ASH1L: variants seen among roughly 807,000 people sequenced by gnomAD.
ASH1L encodes histone-lysine N-methyltransferase ASH1L.
In ASH1L, 23 loss-of-function variants were observed where a neutral mutation model predicts 269.0. That is an observed-to-expected ratio of 0.09 (90% confidence interval 0.06 to 0.12). ASH1L has a LOEUF of 0.12. ASH1L is among the 10% of genes least tolerant of loss of function. ASH1L has a pLI of 1.00. For synonymous variants in ASH1L, 1,187 were observed against 1,253.5 expected (o/e 0.95, Z 1.12); for missense variants, 2,912 against 3,567.8 (o/e 0.82, Z 4.68).
rs1456262176 is a variant in ASH1L, at chr1:155,415,840, A to G, written c.5912T>C (p.Val1971Ala). ...CTTTTCCCTTGGGATGAGAGAAAGC[A>G]CAGGCTGCAAGGTACTTTCAGGTTC... ...PSEPESTLQP[V>A]LSLIPREKKP... Residue 1971 changes from valine to alanine, a missense_variant, in exon 6 of 28, where the codon GTG becomes GCG. By Grantham distance (64) the Val-to-Ala change is moderately conservative. Coordinates refer to ENST00000392403, the MANE Select transcript of ASH1L (RefSeq NM_018489.3). 2 of 1,614,052 alleles carry G rather than the reference A, an allele frequency of 1.2e-6. No individual in the cohort carries two copies. The highest frequency in any genetic ancestry group is 1.7e-6 in the Non-Finnish European group (2 of 1,180,018).
intron 10 of ASH1L, among the ~76,000 whole-genome samples, chr1:155,373,315 TC>T (rs1656148576): frequency 6.6e-6 from 1 of 151,468 alleles, no homozygotes; most frequent in African/African-American, 2.4e-5. Flanking sequence ...GGAGACAGGG[TC>T]TCGCTCTGTC....
At chr1:155,392,598 C>T (rs537532700) in intron 7 of ASH1L, among the ~76,000 whole-genome samples, 8 of 152,232 alleles carry the variant, frequency 5.3e-5, no homozygotes, top group East Asian at 3.9e-4. Context: ...AAGTGATTCT[C>T]GTGCCTCAGC....
In ASH1L at chr1:155,370,885, C is replaced by T. The variant is rs1655886505; in HGVS notation, c.6431G>A (p.Arg2144Gln). 1.9e-6 allele frequency: 3 copies of T among 1,614,006 alleles called. No individual in the cohort carries two copies. Among genetic ancestry groups the T allele is most frequent in the Non-Finnish European group, 2.5e-6 (3 of 1,180,052 alleles). Reference sequence around the variant, plus strand: ...CCAACCTTTTTCCTCAGCTCGAAATCGTTCTAGACATTGCACCCATTCATG... The same window carrying T: ...CCAACCTTTTTCCTCAGCTCGAAATTGTTCTAGACATTGCACCCATTCATG... Reference protein sequence around the residue: ...QRHEWVQCLERFRAEEKGWGI... With the variant: ...QRHEWVQCLEQFRAEEKGWGI... The change falls in exon 11 of 28, where the codon CGA becomes CAA. Residue 2144 changes from arginine (R) to glutamine (Q), a missense_variant. Around this residue, in one of 13 missense-constraint regions of ASH1L, gnomAD observed 193 missense variants for 311.6 expected, o/e 0.62. Coordinates refer to ENST00000392403, the MANE Select transcript of ASH1L (RefSeq NM_018489.3).
chr1:155,476,633 G>A (rs1383590422), intron 3 of ASH1L, among the ~76,000 whole-genome samples: 2 of 150,778 alleles, frequency 1.3e-5, no homozygotes, highest in African/African-American at 2.4e-5. Flanking sequence ...CTCACTGCAA[G>A]CTCCACCTCC....
chr1:155,389,013 T>C (rs1246838089), intron 7 of ASH1L, among the ~76,000 whole-genome samples: 2 of 150,792 alleles, frequency 1.3e-5, no homozygotes, highest in Admixed American at 1.3e-4. Flanking sequence ...CTGGACTAAT[T>C]CTTTTTTTTT....
Position 155,438,521 on chromosome 1 carries a change from G to T in ASH1L, c.5634C>A (p.Asn1878Lys), listed in dbSNP as rs750956675. Residue 1878 changes from asparagine to lysine, a missense_variant, in exon 5 of 28, where the codon AAC becomes AAA. Asn to Lys is a moderately conservative substitution (Grantham distance 94). Coordinates refer to ENST00000392403, the MANE Select transcript of ASH1L (RefSeq NM_018489.3). ...GCAGTGCTGCTCCTTCCTCGTCTCT[G>T]TTCAATTCTGGGTTGACAAACTGAG... ...QAAQFVNPEL[N>K]RDEEGAALHL... 2 of 1,613,196 alleles carry T rather than the reference G, an allele frequency of 1.2e-6. No homozygotes were observed. Among genetic ancestry groups the T allele is most frequent in the Admixed American group, 3.3e-5 (2 of 59,840 alleles).
At chr1:155,421,351 C>A (rs1660667262) in intron 5 of ASH1L, among the ~76,000 whole-genome samples, 1 of 128,638 alleles carries the variant, frequency 7.8e-6, no homozygotes, top group Non-Finnish European at 1.6e-5. Context: ...GAGAAAATGC[C>A]AAGATAATTC....
In ASH1L at chr1:155,562,555, C is replaced by A; in HGVS notation, c.-502G>T. 6.5e-7 allele frequency: 1 copy of A among 1,529,038 alleles called. No homozygotes were observed. Among genetic ancestry groups the A allele is most frequent in the East Asian group, 2.5e-5 (1 of 40,622 alleles). The allele number at this position is 1,529,038 out of a possible 1,614,324, so 94.7% of individuals were successfully genotyped here. ...TCCTTCCTCCTTGCGTTCTTTCCCACCGTCCCCCGCTCCGCCCGACTCCGT... is the reference window on the plus strand; with the variant it reads ...TCCTTCCTCCTTGCGTTCTTTCCCAACGTCCCCCGCTCCGCCCGACTCCGT... On this transcript the variant is annotated 5_prime_UTR_variant, in exon 1 of 28. Coordinates refer to ENST00000392403, the MANE Select transcript of ASH1L (RefSeq NM_018489.3).
chr1:155,384,445 G>A (rs948237743), intron 7 of ASH1L, among the ~76,000 whole-genome samples: 1 of 151,444 alleles, frequency 6.6e-6, no homozygotes, highest in Non-Finnish European at 1.5e-5. Flanking sequence ...TTATAGGTAA[G>A]GGTAATTTCT....
Position 155,339,342 on chromosome 1 carries a change from C to A in ASH1L, c.8487G>T (p.Lys2829Asn), listed in dbSNP as rs749444214. ...FSPHYVPDNY[K>N]RNGGRSSWKS... Reference sequence around the variant, plus strand: ...ATGGGACTTACCGTCCTCCATTCCTCTTGTAGTTGTCTGGGACGTAATGAG... The same window carrying A: ...ATGGGACTTACCGTCCTCCATTCCTATTGTAGTTGTCTGGGACGTAATGAG... The change falls in exon 26 of 28, where the codon AAG becomes AAT. Residue 2829 changes from lysine to asparagine, a missense_variant. Physicochemically the swap from Lys to Asn is moderately conservative, Grantham distance 94. Transcript: ENST00000392403. The A allele has an allele frequency of 4.3e-6, 7 of 1,613,610 alleles. No homozygotes were observed. In the Admixed American group the frequency reaches 1.2e-4, roughly 27 times the overall value.
Position 155,337,616 on chromosome 1 carries a change from G to C in ASH1L, c.*44C>G. The C allele has an allele frequency of 6.5e-7, 1 of 1,538,584 alleles. No individual in the cohort carries two copies. The highest frequency in any genetic ancestry group is 9.0e-7 in the Non-Finnish European group (1 of 1,112,052). Reference sequence around the variant, plus strand: ...AGAGAGCAGGAGGCAGGACTGATTAGCTCCACTGGATCCCAGATGCTTGAG... The same window carrying C: ...AGAGAGCAGGAGGCAGGACTGATTACCTCCACTGGATCCCAGATGCTTGAG... On this transcript the variant is annotated 3_prime_UTR_variant, in exon 28 of 28. Coordinates refer to ENST00000392403, the MANE Select transcript of ASH1L (RefSeq NM_018489.3).
At chr1:155,448,460 A>G (rs2148648607) in intron 4 of ASH1L, among the ~76,000 whole-genome samples, 2 of 152,196 alleles carry the variant, frequency 1.3e-5, no homozygotes, top group African/African-American at 2.4e-5. Context: ...GCAGGTAGCT[A>G]AGACTTCAGG....
intron 2 of ASH1L, among the ~76,000 whole-genome samples, chr1:155,496,450 C>T (rs1667160418): frequency 6.6e-6 from 1 of 152,192 alleles, no homozygotes; most frequent in South Asian, 2.1e-4. Flanking sequence ...AAAAGACATG[C>T]ACTCATGAAG....
At chr1:155,496,025 A>C (rs1276556076) in intron 2 of ASH1L, among the ~76,000 whole-genome samples, 2 of 152,106 alleles carry the variant, frequency 1.3e-5, no homozygotes, top group East Asian at 3.8e-4. Flanking sequence ...AAATAAAACA[A>C]AACAAATTAA....
intron 13 of ASH1L, among the ~76,000 whole-genome samples, chr1:155,358,079 T>A (rs1414261807): frequency 6.6e-6 from 1 of 151,256 alleles, no homozygotes; most frequent in Non-Finnish European, 1.5e-5. Context: ...CTGAGAATAA[T>A]TTTTTTTTAG....
chr1:155,512,552 A>G (rs1049649379), intron 2 of ASH1L, among the ~76,000 whole-genome samples: 4 of 148,816 alleles, frequency 2.7e-5, no homozygotes, highest in South Asian at 2.1e-4. Context: ...CCTGGGTTCA[A>G]GAGCTTCTCT....
intron 13 of ASH1L, among the ~76,000 whole-genome samples, chr1:155,359,770 G>A (rs1346755018): frequency 6.6e-6 from 1 of 152,028 alleles, no homozygotes; most frequent in Admixed American, 6.6e-5. Flanking sequence ...TAGAGACAGG[G>A]TTGCACCATG....
intron 3 of ASH1L, among the ~76,000 whole-genome samples, chr1:155,464,278 T>A (rs1046780415): frequency 6.6e-6 from 1 of 152,168 alleles, no homozygotes; most frequent in Non-Finnish European, 1.5e-5. Flanking sequence ...CCTCAAAGCA[T>A]ACACACAAAG....
At chr1:155,383,566 G>T (rs550778592) in intron 7 of ASH1L, among the ~76,000 whole-genome samples, 3 of 152,308 alleles carry the variant, frequency 2.0e-5, no homozygotes, top group East Asian at 3.9e-4. Context: ...AGCCTGGTTA[G>T]TATATTCTGT....
Sources: gnomAD v4.1 joint callset for allele counts (sites outside exome capture counted in the v4.1 genomes callset) on GRCh38, gnomAD v4.1.1 for gene constraint, gnomAD v4.1.1 regional missense constraint, MANE v1.5 for transcripts, NCBI Gene and HGNC (gene_info 2026-07-23, HGNC 2026-07-21) for gene names.